The following SLC52A3 variants were observed in gnomAD, a reference collection of about 807,000 sequenced individuals.
SLC52A3 encodes the protein solute carrier family 52, riboflavin transporter, member 3.
Under a neutral mutation model 29.5 loss-of-function variants are expected in SLC52A3, and 20 were observed. The ratio of observed to expected loss-of-function variants is 0.68; its 90% CI spans 0.48 to 0.99. The LOEUF is 0.99. Ranked by LOEUF, SLC52A3 falls within the 50% of genes least tolerant of loss-of-function variation. The probability of loss-of-function intolerance (pLI) is 0.00; values close to 1 mark genes in which losing one functional copy is unlikely to be tolerated. For missense variants in SLC52A3, 548 were observed against 612.9 expected (o/e 0.89, Z 1.12); for synonymous variants, 301 against 271.0 (o/e 1.11, Z -1.09).
Position 765,416 on chromosome 20 carries a change from C to CCCT in SLC52A3, c.358_359insAGG (p.Cys120delinsTer). ...CGGCAGGAAGGTCACTGAAGAGGTG[C>CCCT]AGTCCACCAGGGCCAGGAAGAAGGT... On this transcript the variant is annotated stop_gained, in exon 2 of 5. Transcript: ENST00000645534. LOFTEE classifies it high-confidence loss of function. The surrounding 1 kb of genome is among the most constrained non-coding windows in gnomAD (Gnocchi z 6.6). 1 of 1,613,808 alleles carries CCCT rather than the reference C, an allele frequency of 6.2e-7. No homozygotes were observed. The highest frequency in any genetic ancestry group is 8.5e-7 in the Non-Finnish European group (1 of 1,179,868).
chr20:764,846 C>G (rs937924171), intron 2 of SLC52A3, among the ~76,000 whole-genome samples: 2 of 152,156 alleles, frequency 1.3e-5, no homozygotes, highest in Admixed American at 1.3e-4. Context: ...GCCTTTATCA[C>G]CCGAGGAACT....
chr20:762,481 A>G (rs1394852706), intron 3 of SLC52A3, among the ~76,000 whole-genome samples: 1 of 152,114 alleles, frequency 6.6e-6, no homozygotes, highest in East Asian at 1.9e-4. Flanking sequence ...CCTTCCTCAC[A>G]GGTCCTTGTC....
Position 761,009 on chromosome 20 carries a change from CG to C in SLC52A3, c.*16del, listed in dbSNP as rs3215628. ...CAGTTCCGTCCGTGAGCGATGGGGG[CG>C]GGGTCGGCGGCCTGCCTAGGCTGGA... On this transcript the variant is annotated 3_prime_UTR_variant, in exon 5 of 5. Coordinates refer to ENST00000645534, the MANE Select transcript of SLC52A3 (RefSeq NM_033409.4). 189,179 of 1,586,672 alleles carry C rather than the reference CG, an allele frequency of 0.12. 14,079 individuals are homozygous for C. The highest frequency in any genetic ancestry group is 0.41 in the East Asian group (17,686 of 42,684).
chr20:779,843 C>G (rs1371684750), upstream of SLC52A3, among the ~76,000 whole-genome samples: 1 of 152,168 alleles, frequency 6.6e-6, no homozygotes, highest in Non-Finnish European at 1.5e-5. Context: ...GTAAAAGTTG[C>G]TAAAAGTTAA....
chr20:764,808 T>C (rs908231127), intron 2 of SLC52A3, among the ~76,000 whole-genome samples: 5 of 152,128 alleles, frequency 3.3e-5, no homozygotes, highest in Admixed American at 1.3e-4. Context: ...CACGAAGGGG[T>C]ATCTGAACCA....
chr20:761,190 T>G lies in SLC52A3; in HGVS notation c.1246A>C (p.Met416Leu). 1 of 1,567,882 alleles carries G rather than the reference T, an allele frequency of 6.4e-7. No individual in the cohort carries two copies. The highest frequency in any genetic ancestry group is 8.6e-7 in the Non-Finnish European group (1 of 1,157,962). ...AGGTCGCGCAGGACCACGCCCAGCA[T>G]CACCTTGACGTAACTGAGGCAGCCG... ...FSGCLSYVKV[M>L]LGVVLRDLSR... The change falls in exon 5 of 5, where the codon ATG becomes CTG. Residue 416 changes from methionine to leucine, a missense_variant. This residue lies in a region of SLC52A3 where 173 missense variants were observed against 141.8 expected (regional missense o/e 1.22). Transcript: ENST00000645534.
At chr20:777,875 A>C (rs1723517804), upstream of SLC52A3, among the ~76,000 whole-genome samples, 1 of 152,188 alleles carries the variant, frequency 6.6e-6, no homozygotes, top group African/African-American at 2.4e-5. Context: ...GGTTATTCAG[A>C]GAAACTGCAG....
intron 3 of SLC52A3, among the ~76,000 whole-genome samples, chr20:762,383 T>C (rs1344435039): frequency 6.6e-6 from 1 of 152,172 alleles, no homozygotes; most frequent in Non-Finnish European, 1.5e-5. Flanking sequence ...TGTGCTGATC[T>C]CCAGGGGTCC....
chr20:765,482 C>T lies in SLC52A3; in HGVS notation c.293G>A (p.Trp98Ter). 6.3e-7 allele frequency: 1 copy of T among 1,597,556 alleles called. No homozygotes were observed. Among genetic ancestry groups the T allele is most frequent in the Non-Finnish European group, 8.5e-7 (1 of 1,172,124 alleles). Residue 98 changes from tryptophan to a stop codon, truncating the protein, a stop_gained, in exon 2 of 5, where the codon TGG becomes TAG. Transcript: ENST00000645534. LOFTEE classifies it high-confidence loss of function. This position sits in a 1 kb window ranked among gnomAD's most constrained non-coding sequence, Gnocchi z 6.6. ...GATGCTGTGGTGGCCGTCCAGCACC[C>T]AGGAGGTCATATTCCAGAGGAAGGC... ...IFAFLWNMTS[W>*]VLDGHHSIAF... is the part of the protein sequence containing the mutation.
At chr20:769,694 C>T (rs1220071422), upstream of SLC52A3, among the ~76,000 whole-genome samples, 2 of 152,212 alleles carry the variant, frequency 1.3e-5, no homozygotes, top group Middle Eastern at 3.4e-3. Flanking sequence ...GTCATGAGTC[C>T]GAGACTGGCC....
Position 761,159 on chromosome 20 carries a change from C to A in SLC52A3, c.1277G>T (p.Arg426Leu). Residue 426 changes from arginine (R) to leucine (L), a missense_variant, in exon 5 of 5, where the codon CGC (arginine) becomes CTC (leucine). Arg to Leu is a moderately radical substitution (Grantham distance 102). This residue lies in a region of SLC52A3 where 173 missense variants were observed against 141.8 expected (regional missense o/e 1.22). Transcript: ENST00000645534. Reference sequence around the variant, plus strand: ...CGCCCCGCACCACAAGAGGGCGCTGCGGCTGAGGTCGCGCAGGACCACGCC... The same window carrying A: ...CGCCCCGCACCACAAGAGGGCGCTGAGGCTGAGGTCGCGCAGGACCACGCC... The part of the protein sequence containing the change: ...MLGVVLRDLS[R>L]SALLWCGAAV... 5 of 1,580,602 alleles carry A rather than the reference C, an allele frequency of 3.2e-6. No homozygotes were observed. Among genetic ancestry groups the A allele is most frequent in the Non-Finnish European group, 4.3e-6 (5 of 1,164,924 alleles).
chr20:761,277 C>A, intron 4 of SLC52A3, 39 bp from the exon 5 acceptor site: 2 of 1,524,446 alleles, frequency 1.3e-6, no homozygotes, highest in South Asian at 1.2e-5. Context: ...AGTCACGGGG[C>A]TTGCGGGGCG....
chr20:776,457 A>C (rs956243328), upstream of SLC52A3, among the ~76,000 whole-genome samples: 3 of 152,184 alleles, frequency 2.0e-5, no homozygotes, highest in Non-Finnish European at 2.9e-5. Context: ...AAATTAATGC[A>C]TTTAATCTTC....
chr20:763,836 G>C lies in SLC52A3; in HGVS notation c.735C>G (p.Pro245=). The change falls in exon 3 of 5, where the codon CCC becomes CCG. Residue 245 remains proline, a synonymous_variant. Transcript: ENST00000645534. ...CTTCCACGGAAGCCTCCCAGCACCT[G>C]GGTTGACGCTGGAGGACAAAGAACG... ...LVAFFVLQRQ[P]RCWEASVEDL... is the part of the protein sequence containing the mutation. The C allele has an allele frequency of 6.2e-7, 1 of 1,614,128 alleles. No homozygotes were observed. The highest frequency in any genetic ancestry group is 8.5e-7 in the Non-Finnish European group (1 of 1,179,998).
chr20:776,217 T>G (rs1987023381), upstream of SLC52A3, among the ~76,000 whole-genome samples: 1 of 152,192 alleles, frequency 6.6e-6, no homozygotes, highest in African/African-American at 2.4e-5. Flanking sequence ...GATCCCCAGT[T>G]GACAAAAGCT....
upstream of SLC52A3, among the ~76,000 whole-genome samples, chr20:777,428 C>A (rs1460803040): frequency 6.6e-6 from 1 of 152,206 alleles, no homozygotes; most frequent in Non-Finnish European, 1.5e-5. Flanking sequence ...CCAGGCTCCT[C>A]TTCTTTCCCC....
At chr20:764,317 C>T (rs1384291606) in intron 2 of SLC52A3, among the ~76,000 whole-genome samples, 1 of 152,184 alleles carries the variant, frequency 6.6e-6, no homozygotes, top group African/African-American at 2.4e-5. Flanking sequence ...GTGGCAAAGC[C>T]AGACTCCACC....
At position 761,687 on chromosome 20, in the gene SLC52A3, G is replaced by C. The variant is rs566920080; in HGVS notation, c.1197+14C>G. 4.8e-5 allele frequency: 77 copies of C among 1,613,362 alleles called. No individual in the cohort carries two copies. The African/African-American group carries it at 9.2e-4, about 19-fold the overall frequency. ...GGTACGCAGCGGGAGCAGCCCCACC[G>C]GCCGGATACTCACAATGAGGACTTC... On this transcript the variant is annotated intron_variant, in intron 4 of 4. Coordinates refer to ENST00000645534, the MANE Select transcript of SLC52A3 (RefSeq NM_033409.4).
chr20:768,042 T>G (rs970371876), intron 1 of SLC52A3, among the ~76,000 whole-genome samples: 6 of 152,130 alleles, frequency 3.9e-5, no homozygotes, highest in Non-Finnish European at 7.4e-5. Flanking sequence ...CTGCCTCATC[T>G]CCTCATCTGT....
Sources: gnomAD v4.1 joint callset for allele counts (sites outside exome capture counted in the v4.1 genomes callset) on GRCh38, gnomAD v4.1.1 for gene constraint, gnomAD v4.1.1 regional missense constraint, Gnocchi (gnomAD v3.1) non-coding constraint, MANE v1.5 for transcripts, NCBI Gene and HGNC (gene_info 2026-07-23, HGNC 2026-07-21) for gene names.